The following CCDC171 variants were observed in gnomAD, a reference collection of about 807,000 sequenced individuals.
CCDC171 encodes coiled-coil domain containing 171, also known as coiled-coil domain-containing protein 171.
CCDC171 carries 177 observed loss-of-function variants against 168.2 expected under a neutral mutation model. That is an observed-to-expected ratio of 1.05 (90% confidence interval 0.93 to 1.19). CCDC171 has a LOEUF of 1.19. CCDC171 is among the 50% of genes most tolerant of loss of function. The probability of loss-of-function intolerance (pLI) is 0.00; values close to 1 mark genes in which losing one functional copy is unlikely to be tolerated. For missense variants in CCDC171, 1,991 were observed against 1,539.0 expected (o/e 1.29, Z -4.91); for synonymous variants, 687 against 540.8 (o/e 1.27, Z -3.75).
intron 24 of CCDC171, among the ~76,000 whole-genome samples, chr9:15,896,895 A>G (rs1294120928): frequency 6.6e-6 from 1 of 152,110 alleles, no homozygotes; most frequent in African/African-American, 2.4e-5. Flanking sequence ...CTTCTTATAA[A>G]TAACGAAGGG....
intron 3 of CCDC171, among the ~76,000 whole-genome samples, chr9:15,578,591 A>G (rs1310132480): frequency 1.3e-5 from 2 of 151,708 alleles, no homozygotes; most frequent in East Asian, 3.9e-4. Context: ...ATTTCTGATT[A>G]AAACGTAATT....
intron 1 of CCDC171, among the ~76,000 whole-genome samples, chr9:16,047,141 T>C (rs920565932): frequency 1.1e-4 from 16 of 152,238 alleles, no homozygotes; most frequent in African/African-American, 3.9e-4. Context: ...CTTTCAAGTC[T>C]GATCTCCAGC....
chr9:15,988,154 C>T (rs553784346), intron 3 of CCDC171, among the ~76,000 whole-genome samples: 1 of 152,274 alleles, frequency 6.6e-6, no homozygotes, highest in East Asian at 1.9e-4. Context: ...AGTAGCATCA[C>T]CAGGATACTG....
chr9:15,862,249 A>T (rs1038241459), intron 23 of CCDC171, among the ~76,000 whole-genome samples: 3 of 151,382 alleles, frequency 2.0e-5, no homozygotes, highest in African/African-American at 4.9e-5. Flanking sequence ...TTTATTCTTT[A>T]TTACTATTAT....
At chr9:16,070,762 C>T in the CCDC171 span, among the ~76,000 whole-genome samples, 1 of 152,238 alleles carries the variant, frequency 6.6e-6, no homozygotes, top group South Asian at 2.1e-4. Context: ...CCCACCTCCA[C>T]CCTCGGCTTC....
intron 2 of CCDC171, among the ~76,000 whole-genome samples, chr9:15,570,235 T>A (rs1389324133): frequency 6.6e-6 from 1 of 152,104 alleles, no homozygotes; most frequent in Non-Finnish European, 1.5e-5. Flanking sequence ...CCTCCCAAAG[T>A]GCTTGGAGGC....
At chr9:15,686,735 C>A (rs2050421649) in intron 10 of CCDC171, among the ~76,000 whole-genome samples, 1 of 152,060 alleles carries the variant, frequency 6.6e-6, no homozygotes, top group Non-Finnish European at 1.5e-5. Context: ...CATGTGTACA[C>A]CTAACAACAG....
chr9:15,702,572 G>A (rs1049295685), intron 11 of CCDC171, among the ~76,000 whole-genome samples: 2 of 152,090 alleles, frequency 1.3e-5, no homozygotes, highest in African/African-American at 2.4e-5. Flanking sequence ...AAGAGAGTCA[G>A]CCTGTCTTTG....
intron 25 of CCDC171, among the ~76,000 whole-genome samples, chr9:15,943,919 T>G (rs1828004271): frequency 1.3e-5 from 2 of 151,940 alleles, no homozygotes; most frequent in African/African-American, 4.8e-5. Flanking sequence ...GAAGTTGTAT[T>G]TGAGCTTGAT....
chr9:15,867,156 A>C (rs750773342), intron 23 of CCDC171, among the ~76,000 whole-genome samples: 1 of 152,074 alleles, frequency 6.6e-6, no homozygotes, highest in Non-Finnish European at 1.5e-5. Flanking sequence ...TGAGATAGAA[A>C]GATGATTACT....
the CCDC171 span, among the ~76,000 whole-genome samples, chr9:16,089,003 C>G: frequency 2.0e-5 from 3 of 152,130 alleles, no homozygotes; most frequent in African/African-American, 4.8e-5. Context: ...GTACTGGTAC[C>G]AAAACAGATA....
chr9:15,903,253 C>A (rs1465049895), intron 24 of CCDC171, among the ~76,000 whole-genome samples: 1 of 152,118 alleles, frequency 6.6e-6, no homozygotes, highest in Non-Finnish European at 1.5e-5. Flanking sequence ...TCCCTGACCC[C>A]CGAGTAGCCT....
the CCDC171 span, among the ~76,000 whole-genome samples, chr9:16,101,415 C>G: frequency 6.6e-6 from 1 of 152,160 alleles, no homozygotes; most frequent in Non-Finnish European, 1.5e-5. Context: ...GAGATGCTCC[C>G]CAGTGACCCT....
At chr9:15,955,750 C>G (rs1829735424) in intron 25 of CCDC171, among the ~76,000 whole-genome samples, 1 of 152,126 alleles carries the variant, frequency 6.6e-6, no homozygotes, top group Non-Finnish European at 1.5e-5. Context: ...TTCCAGAATC[C>G]TCTCAAATCC....
At chr9:15,571,417 G>T (rs1305464338) in intron 2 of CCDC171, among the ~76,000 whole-genome samples, 2 of 152,062 alleles carry the variant, frequency 1.3e-5, no homozygotes, top group African/African-American at 4.8e-5. Context: ...GTGGTTTGTT[G>T]CTAGGTATCT....
intron 1 of CCDC171, among the ~76,000 whole-genome samples, chr9:16,056,122 A>G (rs1305031200): frequency 6.6e-6 from 1 of 152,274 alleles, no homozygotes; most frequent in Non-Finnish European, 1.5e-5. Flanking sequence ...AAAAAACCCA[A>G]ACATTATAAA....
chr9:15,617,035 A>C (rs922113713), intron 6 of CCDC171, among the ~76,000 whole-genome samples: 3 of 152,222 alleles, frequency 2.0e-5, no homozygotes, highest in African/African-American at 7.2e-5. Flanking sequence ...CAGGCATGTC[A>C]CATGGAATTT....
intron 24 of CCDC171, among the ~76,000 whole-genome samples, chr9:15,902,964 A>T (rs1451710129): frequency 6.6e-6 from 1 of 152,202 alleles, no homozygotes; most frequent in Non-Finnish European, 1.5e-5. Flanking sequence ...TCAAACTGCA[A>T]GGCGGCAGCG....
intron 21 of CCDC171, among the ~76,000 whole-genome samples, chr9:15,814,509 A>T (rs2059485053): frequency 6.6e-6 from 1 of 152,020 alleles, no homozygotes; most frequent in African/African-American, 2.4e-5. Flanking sequence ...GCTTATATGA[A>T]TTTTTTTTAA....
Sources: gnomAD v4.1 joint callset for allele counts (sites outside exome capture counted in the v4.1 genomes callset) on GRCh38, gnomAD v4.1.1 for gene constraint, MANE v1.5 for transcripts, NCBI Gene and HGNC (gene_info 2026-07-23, HGNC 2026-07-21) for gene names.